Variants in ANKRD45 observed in about 807,000 individuals in gnomAD.
ANKRD45 encodes the protein ankyrin repeat domain 45.
Under a neutral mutation model 28.1 loss-of-function variants are expected in ANKRD45, and 21 were observed. The observed-to-expected ratio is 0.75, with a 90% CI of 0.53 to 1.08. The LOEUF (loss-of-function observed/expected upper bound fraction) is 1.08. Ranked by LOEUF, ANKRD45 falls within the 50% of genes least tolerant of loss-of-function variation. The probability of loss-of-function intolerance (pLI) is 0.00; values close to 1 mark genes in which losing one functional copy is unlikely to be tolerated. For missense variants in ANKRD45, 261 were observed against 308.7 expected, an observed-to-expected ratio of 0.85 and a Z score of 1.16; for synonymous variants, 86 against 103.9, an observed-to-expected ratio of 0.83 and a Z score of 1.05.
chr1:173,708,048 G>T, the ANKRD45 span, among the ~76,000 whole-genome samples: 5 of 152,190 alleles, frequency 3.3e-5, no homozygotes, highest in African/African-American at 1.2e-4. Context: ...AGAGGTTTTA[G>T]AACATGTTTT....
At chr1:173,698,483 A>G in the ANKRD45 span, among the ~76,000 whole-genome samples, 4 of 152,222 alleles carry the variant, frequency 2.6e-5, no homozygotes, top group Non-Finnish European at 5.9e-5. Context: ...CTCAGACCAC[A>G]GCGCAATTAA....
upstream of ANKRD45, among the ~76,000 whole-genome samples, chr1:173,674,625 AG>A (rs1310636439): frequency 1.3e-5 from 2 of 152,198 alleles, no homozygotes; most frequent in South Asian, 2.1e-4. Context: ...AACTCGAAGC[AG>A]GGGGGTTAGA....
rs369047065 is a variant in ANKRD45, at chr1:173,646,323, G to A, written c.496+523C>T. Among the ~76,000 whole-genome samples the A allele has an allele frequency of 7.9e-4, 120 of 152,242 alleles. 1 individual carries two copies. In the East Asian group the frequency reaches 0.018, roughly 23 times the overall value. On this transcript the variant is annotated intron_variant, in intron 3 of 5. Coordinates refer to ENST00000333279, the MANE Select transcript of ANKRD45 (RefSeq NM_198493.3). The stretch of plus-strand genomic sequence containing the variant: ...AACATACCCATGTACCAGCAACCAG[G>A]TTAAGAAAAAGAACATTACATCCCA...
the ANKRD45 span, among the ~76,000 whole-genome samples, chr1:173,701,884 A>C: frequency 1.3e-5 from 2 of 152,142 alleles, no homozygotes; most frequent in Non-Finnish European, 2.9e-5. Flanking sequence ...TGACTTAAAA[A>C]TCATCATTTT....
intron 2 of ANKRD45, chr1:173,657,470 G>GA (rs761648464): frequency 5.2e-3 from 729 of 141,100 alleles, no homozygotes; most frequent in South Asian, 0.032. Flanking sequence ...TCTGTCTCAA[G>GA]AAAAAAAAAA....
intron 5 of ANKRD45, among the ~76,000 whole-genome samples, chr1:173,611,210 T>G (rs1254185781): frequency 2.0e-5 from 3 of 152,188 alleles, no homozygotes; most frequent in African/African-American, 4.8e-5. Context: ...CATTCTGGAA[T>G]CTCCTTCATA....
chr1:173,682,215 A>T, the ANKRD45 span, among the ~76,000 whole-genome samples: 2,323 of 152,312 alleles, frequency 0.015, 20 homozygotes, highest in Non-Finnish European at 0.026. Context: ...CCAAAAAGGG[A>T]GAATTATTAT....
chr1:173,624,309 A>G (rs1391184345), intron 5 of ANKRD45, among the ~76,000 whole-genome samples: 2 of 151,018 alleles, frequency 1.3e-5, no homozygotes, highest in African/African-American at 4.9e-5. Flanking sequence ...CCTGAGAAAC[A>G]TAGCAAGACC....
the ANKRD45 span, among the ~76,000 whole-genome samples, chr1:173,705,728 A>G: frequency 1.3e-5 from 2 of 152,078 alleles, no homozygotes; most frequent in Admixed American, 6.5e-5. Flanking sequence ...TATTAAGAAC[A>G]TTTAATAAAT....
chr1:173,618,905 A>G (rs1480939894), intron 5 of ANKRD45, among the ~76,000 whole-genome samples: 2 of 152,234 alleles, frequency 1.3e-5, no homozygotes, highest in Admixed American at 1.3e-4. Flanking sequence ...CACATCACCT[A>G]CAACGGGTAA....
At chr1:173,652,438 G>A (rs916497237) in intron 2 of ANKRD45, among the ~76,000 whole-genome samples, 7 of 152,098 alleles carry the variant, frequency 4.6e-5, no homozygotes, top group Non-Finnish European at 7.4e-5. Context: ...TGCATCCCAG[G>A]GATGAAGGCA....
chr1:173,641,224 T>C (rs1668685707), intron 3 of ANKRD45, among the ~76,000 whole-genome samples: 1 of 152,230 alleles, frequency 6.6e-6, no homozygotes, highest in Non-Finnish European at 1.5e-5. Flanking sequence ...AATATTCCAT[T>C]CGCACTTTAA....
chr1:173,656,895 T>A (rs1389588757), intron 2 of ANKRD45, among the ~76,000 whole-genome samples: 2 of 151,204 alleles, frequency 1.3e-5, no homozygotes, highest in African/African-American at 4.9e-5. Flanking sequence ...CCTAAGAGCT[T>A]TCATCACGAG....
chr1:173,650,364 T>C (rs935643028), intron 2 of ANKRD45, among the ~76,000 whole-genome samples: 1 of 152,206 alleles, frequency 6.6e-6, no homozygotes, highest in Non-Finnish European at 1.5e-5. Flanking sequence ...TGGTTATCTG[T>C]CCTTATGATA....
intron 2 of ANKRD45, among the ~76,000 whole-genome samples, chr1:173,656,447 C>T (rs535548303): frequency 1.8e-4 from 27 of 152,252 alleles, no homozygotes; most frequent in Middle Eastern, 3.4e-3. Flanking sequence ...GTCTATGTAC[C>T]TATGAATAAT....
intron 4 of ANKRD45, 129 bp from the exon 5 acceptor site, chr1:173,625,054 A>G (rs1667870778): frequency 1.1e-6 from 1 of 894,086 alleles, no homozygotes; most frequent in Non-Finnish European, 1.6e-6. Flanking sequence ...TGCATTGTCC[A>G]ATACAGTAGC....
Position 173,659,256 on chromosome 1 carries a change from A to C in ANKRD45, c.163T>G (p.Phe55Val), listed in dbSNP as rs1281748427. Residue 55 changes from phenylalanine (F) to valine (V), a missense_variant, in exon 2 of 6, where the codon TTT (phenylalanine) becomes GTT (valine). Transcript: ENST00000333279. The part of the protein sequence containing the change: ...TGDVEGLQKI[F>V]EDPENPHHEQ... ...TGATGAGGATTCTCAGGATCCTCAA[A>C]TATCTTCTGCAAACCCTCTACATCC... 2 of 1,614,124 alleles carry C rather than the reference A, an allele frequency of 1.2e-6. No individual in the cohort carries two copies. The highest frequency in any genetic ancestry group is 2.2e-5 in the South Asian group (2 of 91,078).
intron 2 of ANKRD45, among the ~76,000 whole-genome samples, chr1:173,651,476 T>C (rs1669219433): frequency 6.6e-6 from 1 of 152,234 alleles, no homozygotes; most frequent in African/African-American, 2.4e-5. Context: ...ACCAGTACCA[T>C]GCTGTTTTGC....
At chr1:173,698,486 G>A in the ANKRD45 span, among the ~76,000 whole-genome samples, 2 of 152,248 alleles carry the variant, frequency 1.3e-5, no homozygotes, top group East Asian at 1.9e-4. Context: ...AGACCACAGC[G>A]CAATTAAATT....
Sources: allele counts gnomAD v4.1 joint callset (sites outside exome capture counted in the v4.1 genomes callset), GRCh38; gene constraint gnomAD v4.1.1; transcripts MANE v1.5; gene names NCBI Gene and HGNC (gene_info 2026-07-23, HGNC 2026-07-21).